ACE: variants seen among roughly 807,000 people sequenced by gnomAD.
ACE encodes the protein angiotensin I converting enzyme.
Under a neutral mutation model 162.3 loss-of-function variants are expected in ACE, and 122 were observed. The observed-to-expected ratio is 0.75, with a 90% CI of 0.65 to 0.87. ACE has a LOEUF of 0.87. Ranked by LOEUF, ACE falls within the 40% of genes least tolerant of loss-of-function variation. The pLI is 0.00. For missense variants in ACE, 1,799 were observed against 1,735.1 expected (o/e 1.04, Z -0.65); for synonymous variants, 796 against 720.6 (o/e 1.10, Z -1.68).
At chr17:63,478,157 T>C (rs1455333852) in intron 2 of ACE, 59 bp downstream of exon 2, 2 of 1,543,346 alleles carry the variant, frequency 1.3e-6, no homozygotes, top group South Asian at 2.4e-5. Flanking sequence ...ATCGTGGGGG[T>C]CGGGGGAGAG....
In ACE at chr17:63,491,237, A is replaced by T; in HGVS notation, c.2768A>T (p.Glu923Val). The T allele has an allele frequency of 6.2e-7, 1 of 1,614,100 alleles. No homozygotes were observed. The highest frequency in any genetic ancestry group is 1.3e-5 in the African/African-American group (1 of 75,026). Residue 923 changes from glutamate to valine, a missense_variant, in exon 19 of 25, where the codon GAG becomes GTG. By Grantham distance (121) the Glu-to-Val change is moderately radical (BLOSUM62 -2). Transcript: ENST00000290866. The surrounding 1 kb of genome is among the most constrained non-coding windows in gnomAD (Gnocchi z 4.4). ...QGWTPRRMFK[E>V]ADDFFTSLGL... is the part of the protein sequence containing the mutation. Reference sequence around the variant, plus strand: ...TGGACGCCCAGGAGGATGTTTAAGGAGGCTGATGATTTCTTCACCTCCCTG... The same window carrying T: ...TGGACGCCCAGGAGGATGTTTAAGGTGGCTGATGATTTCTTCACCTCCCTG...
chr17:63,491,480 A>T lies in ACE; in HGVS notation c.2912+99A>T. Reference sequence around the variant, plus strand: ...CTACTGTCCCCCAGCTGGAGCCAGCAGGGCAGGATGGGGACAGGGCCAGAG... The same window carrying T: ...CTACTGTCCCCCAGCTGGAGCCAGCTGGGCAGGATGGGGACAGGGCCAGAG... On this transcript the variant is annotated intron_variant, in intron 19 of 24. Transcript: ENST00000290866. This position sits in a 1 kb window ranked among gnomAD's most constrained non-coding sequence, Gnocchi z 4.4. 6.6e-7 allele frequency: 1 copy of T among 1,507,340 alleles called. No homozygotes were observed. The highest frequency in any genetic ancestry group is 9.1e-7 in the Non-Finnish European group (1 of 1,093,400). The allele number at this position is 1,507,340 out of a possible 1,614,324, so 93.4% of individuals were successfully genotyped here.
Position 63,484,666 on chromosome 17 carries a change from GCAGCCCCCC to G in ACE, c.1921+126_1921+134del. On this transcript the variant is annotated intron_variant, in intron 12 of 24. Transcript: ENST00000290866. The surrounding 1 kb of genome is among the most constrained non-coding windows in gnomAD (Gnocchi z 4.0). ...CTGGTACCCTGTCCTGGAGGGCCAGGCAGCCCCCCAAGCTCATCAGCAGGGCCTGCGAGT... is the reference window on the plus strand; with the variant it reads ...CTGGTACCCTGTCCTGGAGGGCCAGGAAGCTCATCAGCAGGGCCTGCGAGT... 6.9e-7 allele frequency: 1 copy of G among 1,444,318 alleles called. No individual in the cohort carries two copies. Among genetic ancestry groups the G allele is most frequent in the South Asian group, 1.4e-5 (1 of 70,570 alleles). The allele number at this position is 1,444,318 out of a possible 1,614,324, so 89.5% of individuals were successfully genotyped here. A position where few individuals can be genotyped will look rare whatever the true frequency, so the allele number is the denominator to read the frequency against.
chr17:63,482,731 C>T (rs771417414), intron 8 of ACE, 42 bp downstream of exon 8: 2 of 1,576,248 alleles, frequency 1.3e-6, no homozygotes, highest in Non-Finnish European at 1.7e-6. Flanking sequence ...CTCACCTAAA[C>T]CCCGCTCCAC....
chr17:63,484,618 G>A lies in ACE; in HGVS notation c.1921+77G>A. The A allele has an allele frequency of 1.3e-6, 2 of 1,514,740 alleles. No individual in the cohort carries two copies. Among genetic ancestry groups the A allele is most frequent in the Non-Finnish European group, 1.8e-6 (2 of 1,127,386 alleles). The allele number at this position is 1,514,740 out of a possible 1,614,324, so 93.8% of individuals were successfully genotyped here. A position where few individuals can be genotyped will look rare whatever the true frequency, so the allele number is the denominator to read the frequency against. ...GGCTTGGCCCAGGCCCCAGGTTCCT[G>A]GTCAGCTCCTACCAGCTGAGCCCTG... On this transcript the variant is annotated intron_variant, in intron 12 of 24. Transcript: ENST00000290866. This position sits in a 1 kb window ranked among gnomAD's most constrained non-coding sequence, Gnocchi z 4.0.
intron 7 of ACE, 105 bp downstream of exon 7, chr17:63,481,843 C>G: frequency 4.8e-6 from 7 of 1,458,376 alleles, no homozygotes; most frequent in Non-Finnish European, 6.7e-6. Flanking sequence ...CTGCCTCTAC[C>G]CTACCCCAGC....
In ACE at chr17:63,479,931, G is replaced by C; in HGVS notation, c.655+19G>C. The C allele has an allele frequency of 1.2e-6, 2 of 1,601,128 alleles. No homozygotes were observed. On this transcript the variant is annotated intron_variant, in intron 4 of 24. Coordinates refer to ENST00000290866, the MANE Select transcript of ACE (RefSeq NM_000789.4). ...CAGGACGGTGAGCAGGCCTCTCCCT[G>C]TCCAGGAACCACGCCAGGTGTCCTC...
Position 63,497,592 on chromosome 17 carries a change from G to C in ACE, c.*226G>C. 1.4e-6 allele frequency: 1 copy of C among 700,764 alleles called. No homozygotes were observed. Among genetic ancestry groups the C allele is most frequent in the Non-Finnish European group, 2.6e-6 (1 of 384,358 alleles). The allele number at this position is 700,764 out of a possible 1,614,324, so 43.4% of individuals were successfully genotyped here. Reference sequence around the variant, plus strand: ...GCCCCACCTCTCCAAGTCTCTCTGTGAATACAATTAAAGGTCCTGCCCTCC... The same window carrying C: ...GCCCCACCTCTCCAAGTCTCTCTGTCAATACAATTAAAGGTCCTGCCCTCC... On this transcript the variant is annotated 3_prime_UTR_variant, in exon 25 of 25. Transcript: ENST00000290866.
In ACE at chr17:63,487,092, G is replaced by A; in HGVS notation, c.2305+19G>A. ...GAGCCAGGTGAGAGCTCATGTGCAG[G>A]CTGAGTGAGAGGCGAGGGCTGGGAC... On this transcript the variant is annotated intron_variant, in intron 15 of 24. Coordinates refer to ENST00000290866, the MANE Select transcript of ACE (RefSeq NM_000789.4). 1.2e-6 allele frequency: 2 copies of A among 1,610,990 alleles called. No homozygotes were observed. Among genetic ancestry groups the A allele is most frequent in the Non-Finnish European group, 1.7e-6 (2 of 1,177,914 alleles).
At chr17:63,485,537 T>C (rs2147543002) in intron 13 of ACE, 165 bp downstream of exon 13, 1 of 953,326 alleles carries the variant, frequency 1.0e-6, no homozygotes, top group South Asian at 1.4e-5. Context: ...TCCCAGCACT[T>C]TGGGAGGGGG....
chr17:63,490,978 C>T lies in ACE; in HGVS notation c.2666C>T (p.Ser889Phe). 6.2e-7 allele frequency: 1 copy of T among 1,614,210 alleles called. No individual in the cohort carries two copies. The highest frequency in any genetic ancestry group is 8.5e-7 in the Non-Finnish European group (1 of 1,180,046). The change falls in exon 18 of 25, where the codon TCC becomes TTC. Residue 889 changes from serine (S) to phenylalanine (F), a missense_variant. Coordinates refer to ENST00000290866, the MANE Select transcript of ACE (RefSeq NM_000789.4). ...GGGAACATGTGGGCGCAGACCTGGTCCAACATCTATGACTTGGTGGTGCCC... is the reference window on the plus strand; with the variant it reads ...GGGAACATGTGGGCGCAGACCTGGTTCAACATCTATGACTTGGTGGTGCCC... ...LLGNMWAQTW[S>F]NIYDLVVPFP...
chr17:63,477,297 GC>G lies in ACE; in HGVS notation c.204del (p.Trp69GlyfsTer76). 4 of 1,445,670 alleles carry G rather than the reference GC, an allele frequency of 2.8e-6. No homozygotes were observed. The highest frequency in any genetic ancestry group is 3.7e-6 in the Non-Finnish European group (4 of 1,093,946). 89.6% of individuals were successfully genotyped at this position (1,445,670 alleles called of 1,614,324 possible). A position where few individuals can be genotyped will look rare whatever the true frequency, so the allele number is the denominator to read the frequency against. On this transcript the variant is annotated frameshift_variant, in exon 1 of 25. Coordinates refer to ENST00000290866, the MANE Select transcript of ACE (RefSeq NM_000789.4). LOFTEE classifies it high-confidence loss of function. Reference sequence around the variant, plus strand: ...GTGCTGTTCCAGAGCGTGGCCGCCAGCTGGGCGCACGACACCAACATCACCG... The same window carrying G: ...GTGCTGTTCCAGAGCGTGGCCGCCAGTGGGCGCACGACACCAACATCACCG... ...EQVLFQSVAA[S>X]WAHDTNITAE...
intron 19 of ACE, among the ~76,000 whole-genome samples, chr17:63,492,799 T>G (rs898496131): frequency 4.6e-5 from 7 of 151,670 alleles, no homozygotes; most frequent in African/African-American, 1.7e-4. Context: ...AGGCAGGAGG[T>G]CTGCTTGAGC....
chr17:63,481,583 C>T lies in ACE; in HGVS notation c.963C>T (p.His321=), dbSNP rs770009289. ...TCCTCCAGGGCTGGAACGCCACGCA[C>T]ATGTTCCGGGTGGCAGAGGAGTTCT... is the stretch of plus-strand genomic sequence containing the variant. ...TMLQQGWNAT[H]MFRVAEEFFT... The change falls in exon 7 of 25, where the codon CAC becomes CAT. Residue 321 remains histidine, a synonymous_variant. Coordinates refer to ENST00000290866, the MANE Select transcript of ACE (RefSeq NM_000789.4). 1 of 1,613,948 alleles carries T rather than the reference C, an allele frequency of 6.2e-7. No individual in the cohort carries two copies. The highest frequency in any genetic ancestry group is 8.5e-7 in the Non-Finnish European group (1 of 1,180,030).
chr17:63,483,567 G>GCGGGGGGGCCCGCCCCCC lies in ACE; in HGVS notation c.1586+10_1586+11insGGGGGGGCCCGCCCCCCC. ...GTGACACCATACATCAGGTATTAGC[G>GCGGGGGGGCCCGCCCCCC]CCCCCACCCCACCCACCCCCAGTAC... On this transcript the variant is annotated intron_variant, in intron 10 of 24. Transcript: ENST00000290866. 6.3e-7 allele frequency: 1 copy of GCGGGGGGGCCCGCCCCCC among 1,589,582 alleles called. No homozygotes were observed. Among genetic ancestry groups the GCGGGGGGGCCCGCCCCCC allele is most frequent in the Non-Finnish European group, 8.6e-7 (1 of 1,165,688 alleles).
chr17:63,486,424 A>T, intron 13 of ACE, 133 bp from the exon 14 acceptor site: 1 of 948,228 alleles, frequency 1.1e-6, no homozygotes, highest in South Asian at 1.4e-5. Context: ...AGAGTCTTAT[A>T]GGCAAAGGTT....
intron 13 of ACE, chr17:63,485,772 C>CAA (rs781292581): frequency 0.023 from 2,225 of 96,296 alleles, 40 homozygotes; most frequent in African/African-American, 0.053. Context: ...GAGACTCCAT[C>CAA]AAAAAAAAAA....
Position 63,496,900 on chromosome 17 carries a change from G to A in ACE, c.3606G>A (p.Lys1202=). The change falls in exon 24 of 25, where the codon AAG becomes AAA. Residue 1202 remains lysine (K), a synonymous_variant. Coordinates refer to ENST00000290866, the MANE Select transcript of ACE (RefSeq NM_000789.4). The part of the protein sequence containing the change: ...MSASAMLSYF[K]PLLDWLRTEN... ...CCTCGGCCATGTTGAGCTACTTCAAGCCGCTGCTGGACTGGCTCCGCACGG... is the reference window on the plus strand; with the variant it reads ...CCTCGGCCATGTTGAGCTACTTCAAACCGCTGCTGGACTGGCTCCGCACGG... 2 of 1,613,768 alleles carry A rather than the reference G, an allele frequency of 1.2e-6. No homozygotes were observed. The highest frequency in any genetic ancestry group is 1.7e-6 in the Non-Finnish European group (2 of 1,180,012).
In ACE at chr17:63,481,552, C is replaced by T; in HGVS notation, c.946-14C>T. The T allele has an allele frequency of 1.2e-6, 2 of 1,613,482 alleles. No homozygotes were observed. The highest frequency in any genetic ancestry group is 1.7e-6 in the Non-Finnish European group (2 of 1,179,986). On this transcript the variant is annotated splice_polypyrimidine_tract_variant and intron_variant, in intron 6 of 24. Coordinates refer to ENST00000290866, the MANE Select transcript of ACE (RefSeq NM_000789.4). Reference sequence around the variant, plus strand: ...GTGGGCTCCCCCTGACCTGGCTCCACACCCCTCCTCCAGGGCTGGAACGCC... The same window carrying T: ...GTGGGCTCCCCCTGACCTGGCTCCATACCCCTCCTCCAGGGCTGGAACGCC...
Sources: allele counts gnomAD v4.1 joint callset (sites outside exome capture counted in the v4.1 genomes callset), GRCh38; gene constraint gnomAD v4.1.1; non-coding constraint Gnocchi (gnomAD v3.1); transcripts MANE v1.5; gene names NCBI Gene and HGNC (gene_info 2026-07-23, HGNC 2026-07-21).